The following DSP variants were observed in gnomAD, a reference collection of about 807,000 sequenced individuals.
DSP encodes the protein 250/210 kDa paraneoplastic pemphigus antigen.
In DSP, 114 loss-of-function variants were observed where a neutral mutation model predicts 290.6. That is an observed-to-expected ratio of 0.39 (90% CI 0.34 to 0.46). The LOEUF is 0.46. Ranked by LOEUF, DSP falls within the 20% of genes least tolerant of loss-of-function variation. The probability of loss-of-function intolerance (pLI) is 0.99; values close to 1 mark genes in which losing one functional copy is unlikely to be tolerated. For missense variants in DSP, 3,230 were observed against 3,495.8 expected (o/e 0.92, Z 1.92); for synonymous variants, 1,311 against 1,316.4 (o/e 1.00, Z 0.09).
chr6:7,555,072 T>C (rs942697974), intron 1 of DSP, among the ~76,000 whole-genome samples: 1 of 152,152 alleles, frequency 6.6e-6, no homozygotes. Context: ...GAGGGACTTG[T>C]GGTGTTGGGG....
chr6:7,574,219 A>G lies in DSP; in HGVS notation c.2264A>G (p.Asn755Ser), dbSNP rs1249739244. 1.2e-6 allele frequency: 2 copies of G among 1,614,044 alleles called. No homozygotes were observed. The highest frequency in any genetic ancestry group is 2.2e-5 in the East Asian group (1 of 44,848). ...EVFGLFQKLENINGVTDGYLN... is the reference protein window; with the variant it reads ...EVFGLFQKLESINGVTDGYLN... ...TTTGGACTATTTCAGAAACTGGAAAATATCAATGGTGTTACAGATGGCTAC... is the reference window on the plus strand; with the variant it reads ...TTTGGACTATTTCAGAAACTGGAAAGTATCAATGGTGTTACAGATGGCTAC... Residue 755 changes from asparagine to serine, a missense_variant, in exon 16 of 24, where the codon AAT (asparagine) becomes AGT (serine). Around this residue, in one of 5 missense-constraint regions of DSP, gnomAD observed 1,714 missense variants for 1,844.5 expected, o/e 0.93. Coordinates refer to ENST00000379802, the MANE Select transcript of DSP (RefSeq NM_004415.4).
Position 7,585,563 on chromosome 6 carries a change from C to T in DSP, c.8301C>T (p.Thr2767=), listed in dbSNP as rs145362059. ...GCGCCGCACAGAGGCTGCAAGACAC[C>T]AGCAGCTATGCCAAAATCCTGACCT... ...DGRAAQRLQD[T]SSYAKILTCP... Residue 2767 remains threonine, a synonymous_variant, in exon 24 of 24, where the codon ACC becomes ACT. Coordinates refer to ENST00000379802, the MANE Select transcript of DSP (RefSeq NM_004415.4). 1 of 1,614,146 alleles carries T rather than the reference C, an allele frequency of 6.2e-7. No individual in the cohort carries two copies. The highest frequency in any genetic ancestry group is 8.5e-7 in the Non-Finnish European group (1 of 1,180,038).
Position 7,570,477 on chromosome 6 carries a change from C to A in DSP, c.1615C>A (p.Gln539Lys), listed in dbSNP as rs727504498. The change falls in exon 13 of 24, where the codon CAG (glutamine) becomes AAG (lysine). Residue 539 changes from glutamine (Q) to lysine (K), a missense_variant. Gln to Lys is a moderately conservative substitution (Grantham distance 53). This residue lies in a region of DSP where 81 missense variants were observed against 130.5 expected (regional missense o/e 0.62). Transcript: ENST00000379802. ...YYEAILALWN[Q>K]LYINMKSLVS... is the part of the protein sequence containing the mutation. Reference sequence around the variant, plus strand: ...CGAAGCCATCTTGGCTCTGTGGAACCAGCTCTACATCAACATGAAGAGCCT... The same window carrying A: ...CGAAGCCATCTTGGCTCTGTGGAACAAGCTCTACATCAACATGAAGAGCCT... 1 of 1,614,098 alleles carries A rather than the reference C, an allele frequency of 6.2e-7. No individual in the cohort carries two copies. The highest frequency in any genetic ancestry group is 1.1e-5 in the South Asian group (1 of 91,060).
At chr6:7,552,662 G>GTT (rs67361560) in intron 1 of DSP, among the ~76,000 whole-genome samples, 110 of 109,486 alleles carry the variant, frequency 1.0e-3, no homozygotes, top group South Asian at 3.0e-3. Context: ...GTTACCTGTT[G>GTT]TTTTTTTTTT....
intron 1 of DSP, among the ~76,000 whole-genome samples, chr6:7,552,424 G>A (rs1357294060): frequency 3.3e-5 from 5 of 151,724 alleles, no homozygotes; most frequent in South Asian, 4.2e-4. Flanking sequence ...ATAGCTGGGC[G>A]TGGTGGTGCA....
rs397516926 is a variant in DSP, at chr6:7,576,952, T to C, written c.2794-7T>C. 6.2e-7 allele frequency: 1 copy of C among 1,611,856 alleles called. No homozygotes were observed. The highest frequency in any genetic ancestry group is 8.5e-7 in the Non-Finnish European group (1 of 1,178,372). On this transcript the variant is annotated splice_region_variant and splice_polypyrimidine_tract_variant and intron_variant, in intron 19 of 23. Coordinates refer to ENST00000379802, the MANE Select transcript of DSP (RefSeq NM_004415.4). Reference sequence around the variant, plus strand: ...TAACATTGGTAAATATTTCACTTTTTGTATAGAACTTGCACAGTGAAATAT... The same window carrying C: ...TAACATTGGTAAATATTTCACTTTTCGTATAGAACTTGCACAGTGAAATAT...
intron 1 of DSP, among the ~76,000 whole-genome samples, chr6:7,554,273 C>G (rs1758437687): frequency 6.6e-6 from 1 of 152,152 alleles, no homozygotes; most frequent in African/African-American, 2.4e-5. Flanking sequence ...TCTCTGAAAC[C>G]AAACTACAGT....
Position 7,562,631 on chromosome 6 carries a change from CTCTTTG to C in DSP, c.598-13_598-8del. 1 of 1,613,970 alleles carries C rather than the reference CTCTTTG, an allele frequency of 6.2e-7. No individual in the cohort carries two copies. The highest frequency in any genetic ancestry group is 8.5e-7 in the Non-Finnish European group (1 of 1,179,942). ...AAAGGGGCAACAACAAAGGGCGCCT[CTCTTTG>C]TCTTTGTGTCGCAGGCGGAGATGGA... On this transcript the variant is annotated splice_polypyrimidine_tract_variant and intron_variant, in intron 4 of 23. Coordinates refer to ENST00000379802, the MANE Select transcript of DSP (RefSeq NM_004415.4).
chr6:7,542,109 G>C (rs1360413933), intron 1 of DSP, 24 bp downstream of exon 1: 4 of 1,551,730 alleles, frequency 2.6e-6, no homozygotes, highest in Non-Finnish European at 3.5e-6. Flanking sequence ...CGGAGAGCGC[G>C]GGCTGCGGGG....
intron 1 of DSP, among the ~76,000 whole-genome samples, chr6:7,547,976 A>G (rs1758213593): frequency 6.6e-6 from 1 of 152,110 alleles, no homozygotes; most frequent in Non-Finnish European, 1.5e-5. Flanking sequence ...CAAAACACAA[A>G]AACGAAATTT....
In DSP at chr6:7,582,984, A is replaced by G. The variant is rs781030107; in HGVS notation, c.5722A>G (p.Arg1908Gly). The stretch of plus-strand genomic sequence containing the variant: ...CGAAAGACTCCAAGCAGAGATCAAG[A>G]GAATTGAAGAGAGGTGCAGGCGTAA... ...EIERLQAEIKRIEERCRRKLE... is the reference protein window; with the variant it reads ...EIERLQAEIKGIEERCRRKLE... The change falls in exon 24 of 24, where the codon AGA becomes GGA. Residue 1908 changes from arginine (R) to glycine (G), a missense_variant. Physicochemically the swap from Arg to Gly is moderately radical, Grantham distance 125 (BLOSUM62 -2). This residue lies in a region of DSP where 1,714 missense variants were observed against 1,844.5 expected (regional missense o/e 0.93). Transcript: ENST00000379802. The surrounding 1 kb of genome is among the most constrained non-coding windows in gnomAD (Gnocchi z 4.2). The G allele has an allele frequency of 6.2e-7, 1 of 1,613,980 alleles. No individual in the cohort carries two copies. Among genetic ancestry groups the G allele is most frequent in the African/African-American group, 1.3e-5 (1 of 74,886 alleles).
In DSP at chr6:7,585,924, AT is replaced by A; in HGVS notation, c.*49del. On this transcript the variant is annotated 3_prime_UTR_variant, in exon 24 of 24. Coordinates refer to ENST00000379802, the MANE Select transcript of DSP (RefSeq NM_004415.4). ...CTATACCTTGACTTCATTTATATGA[AT>A]TTCCACTTTATTAAATAATAGAAAA... is the stretch of plus-strand genomic sequence containing the variant. The A allele has an allele frequency of 6.4e-7, 1 of 1,569,872 alleles. No homozygotes were observed. The highest frequency in any genetic ancestry group is 8.7e-7 in the Non-Finnish European group (1 of 1,144,090).
At chr6:7,542,219 C>G in intron 1 of DSP, 134 bp downstream of exon 1, 1 of 1,259,130 alleles carries the variant, frequency 7.9e-7, no homozygotes, top group Admixed American at 2.2e-5. Context: ...AAGAACTTCC[C>G]GGCCGCGCTG....
At position 7,581,209 on chromosome 6, in the gene DSP, A is replaced by G; in HGVS notation, c.5019A>G (p.Glu1673=). Residue 1673 remains glutamate (E), a synonymous_variant, in exon 23 of 24, where the codon GAA becomes GAG. Transcript: ENST00000379802. ...ALRRQLLQEQ[E]SVKQAHLRNE... Reference sequence around the variant, plus strand: ...GGCGGCAGTTACTCCAGGAACAGGAAAGTGTCAAACAAGCTCACTTGAGGA... The same window carrying G: ...GGCGGCAGTTACTCCAGGAACAGGAGAGTGTCAAACAAGCTCACTTGAGGA... 1 of 1,614,204 alleles carries G rather than the reference A, an allele frequency of 6.2e-7. No homozygotes were observed. The highest frequency in any genetic ancestry group is 8.5e-7 in the Non-Finnish European group (1 of 1,180,036).
Position 7,573,132 on chromosome 6 carries a change from G to T in DSP, c.2131-954G>T, listed in dbSNP as rs557161526. ...TTTAAAAAAAAATGTGTGTGTGTGT[G>T]TGTGTGTTTATATGTATGTATGTAC... On this transcript the variant is annotated intron_variant, in intron 15 of 23. Coordinates refer to ENST00000379802, the MANE Select transcript of DSP (RefSeq NM_004415.4). 1.7e-4 allele frequency among the ~76,000 whole-genome samples: 26 copies of T among 152,034 alleles called. No individual in the cohort carries two copies. The South Asian group carries it at 5.2e-3, about 30-fold the overall frequency.
In DSP at chr6:7,580,119, A is replaced by C; in HGVS notation, c.3929A>C (p.Lys1310Thr). 1 of 1,614,120 alleles carries C rather than the reference A, an allele frequency of 6.2e-7. No homozygotes were observed. Among genetic ancestry groups the C allele is most frequent in the Non-Finnish European group, 8.5e-7 (1 of 1,179,990 alleles). The change falls in exon 23 of 24, where the codon AAG becomes ACG. Residue 1310 changes from lysine to threonine, a missense_variant. By Grantham distance (78) the Lys-to-Thr change is moderately conservative. Around this residue, in one of 5 missense-constraint regions of DSP, gnomAD observed 1,714 missense variants for 1,844.5 expected, o/e 0.93. Coordinates refer to ENST00000379802, the MANE Select transcript of DSP (RefSeq NM_004415.4). The surrounding 1 kb of genome is among the most constrained non-coding windows in gnomAD (Gnocchi z 4.2). ...QQRSEDNARH[K>T]QSLEEAAKTI... ...CGCTCTGAGGACAATGCCCGGCACA[A>C]GCAGTCCCTGGAGGAGGCTGCCAAG...
chr6:7,565,347 C>A lies in DSP; in HGVS notation c.778-12C>A. 1 of 1,613,840 alleles carries A rather than the reference C, an allele frequency of 6.2e-7. No homozygotes were observed. Among genetic ancestry groups the A allele is most frequent in the African/African-American group, 1.3e-5 (1 of 75,006 alleles). ...TTGTTATTTTAATGCTGCCTTTGAA[C>A]CTCCTGTGCAGAAAGCGTCCTTTGA... On this transcript the variant is annotated splice_polypyrimidine_tract_variant and intron_variant, in intron 6 of 23. Transcript: ENST00000379802. This position sits in a 1 kb window ranked among gnomAD's most constrained non-coding sequence, Gnocchi z 4.2.
Position 7,584,054 on chromosome 6 carries a change from C to T in DSP, c.6792C>T (p.Tyr2264=). 1 of 1,614,188 alleles carries T rather than the reference C, an allele frequency of 6.2e-7. No homozygotes were observed. The highest frequency in any genetic ancestry group is 8.5e-7 in the Non-Finnish European group (1 of 1,180,034). The stretch of plus-strand genomic sequence containing the variant: ...GTTCAAGCTGCATAGCAGGCATATA[C>T]AATGAGACCACAAAACAGAAGCTTG... ...LQGSSCIAGI[Y]NETTKQKLGI... The change falls in exon 24 of 24, where the codon TAC becomes TAT. Residue 2264 remains tyrosine, a synonymous_variant. Transcript: ENST00000379802. This position sits in a 1 kb window ranked among gnomAD's most constrained non-coding sequence, Gnocchi z 6.4.
In DSP at chr6:7,554,125, A is replaced by ACACACACACACACC. The variant is rs772041102; in HGVS notation, c.171-1592_171-1591insACACACACACACCC. 7.8e-3 allele frequency among the ~76,000 whole-genome samples: 1,129 copies of ACACACACACACACC among 144,290 alleles called. 12 individuals are homozygous for ACACACACACACACC. The highest frequency in any genetic ancestry group is 0.014 in the Middle Eastern group (4 of 278). The allele number at this position is 144,290 out of a possible 152,430, so 94.7% of individuals were successfully genotyped here. On this transcript the variant is annotated intron_variant, in intron 1 of 23. Coordinates refer to ENST00000379802, the MANE Select transcript of DSP (RefSeq NM_004415.4). ...CACACACACACACACACACACACAC[A>ACACACACACACACC]CCCAGTTGGTTAGACAGGCATCAGA...
Sources: gnomAD v4.1 joint callset for allele counts (sites outside exome capture counted in the v4.1 genomes callset) on GRCh38, gnomAD v4.1.1 for gene constraint, gnomAD v4.1.1 regional missense constraint, Gnocchi (gnomAD v3.1) non-coding constraint, MANE v1.5 for transcripts, NCBI Gene and HGNC (gene_info 2026-07-23, HGNC 2026-07-21) for gene names.